The following CNTN5 variants were observed in gnomAD, a reference collection of about 807,000 sequenced individuals.
CNTN5 encodes the protein contactin 5, also known as contactin-5.
Under a neutral mutation model 129.1 loss-of-function variants are expected in CNTN5, and 77 were observed. That is an observed-to-expected ratio of 0.60 (90% CI 0.50 to 0.72). The LOEUF (loss-of-function observed/expected upper bound fraction) is 0.72. Among genes scored for constraint, CNTN5 ranks in the 30% least tolerant of loss-of-function variants. The probability of loss-of-function intolerance (pLI) is 0.00; values close to 1 mark genes in which losing one functional copy is unlikely to be tolerated. For missense variants in CNTN5, 1,478 were observed against 1,328.8 expected, an observed-to-expected ratio of 1.11 and a Z score of -1.75; for synonymous variants, 509 against 465.6, an observed-to-expected ratio of 1.09 and a Z score of -1.20.
At chr11:99,861,457 A>G (rs1395863652) in intron 6 of CNTN5, among the ~76,000 whole-genome samples, 1 of 152,216 alleles carries the variant, frequency 6.6e-6, no homozygotes, top group Non-Finnish European at 1.5e-5. Context: ...AATGATACAA[A>G]GAGAAGATGC....
At chr11:99,981,105 C>CATATATATATATATATAT in intron 8 of CNTN5, among the ~76,000 whole-genome samples, 1 of 65,934 alleles carries the variant, frequency 1.5e-5, no homozygotes, top group Non-Finnish European at 2.9e-5. Flanking sequence ...TATATATATA[C>CATATATATATATATATAT]ACACACACAC....
intron 3 of CNTN5, among the ~76,000 whole-genome samples, chr11:99,670,903 G>C (rs997874935): frequency 3.3e-5 from 5 of 152,116 alleles, no homozygotes; most frequent in African/African-American, 7.2e-5. Flanking sequence ...TGTAAAGTGG[G>C]TAGAATCCTG....
chr11:100,336,799 C>T (rs1215090519), intron 21 of CNTN5: 3 of 360,638 alleles, frequency 8.3e-6, no homozygotes, highest in Non-Finnish European at 1.6e-5. Context: ...CTGAGGTGTT[C>T]TGCGACTTCC....
At chr11:100,308,712 T>G in intron 21 of CNTN5, 1 of 1,094,884 alleles carries the variant, frequency 9.1e-7, no homozygotes, top group African/African-American at 1.6e-5. Context: ...GAAATAGAGT[T>G]TTAGACAAAA....
At chr11:99,373,710 TCAA>T (rs1162160834) in intron 2 of CNTN5, among the ~76,000 whole-genome samples, 7 of 51,776 alleles carry the variant, frequency 1.4e-4, no homozygotes, top group African/African-American at 1.4e-4. Flanking sequence ...AAACTCCGTC[TCAA>T]AAAAAAAAAA....
chr11:99,273,334 A>G (rs1863265014), intron 1 of CNTN5, among the ~76,000 whole-genome samples: 1 of 151,834 alleles, frequency 6.6e-6, no homozygotes, highest in African/African-American at 2.4e-5. Flanking sequence ...ACTATTCTCA[A>G]CACAAAATGT....
chr11:99,782,872 A>C (rs1459002150), intron 3 of CNTN5, among the ~76,000 whole-genome samples: 1 of 151,652 alleles, frequency 6.6e-6, no homozygotes, highest in African/African-American at 2.4e-5. Flanking sequence ...AACCACAAAA[A>C]CCCTAGAAGA....
chr11:99,487,647 C>T (rs1945869014), intron 2 of CNTN5, among the ~76,000 whole-genome samples: 1 of 152,182 alleles, frequency 6.6e-6, no homozygotes. Context: ...TTCCTTCTAG[C>T]AGACATCACT....
intron 16 of CNTN5, among the ~76,000 whole-genome samples, chr11:100,225,852 T>A (rs1166951411): frequency 6.6e-6 from 1 of 152,080 alleles, no homozygotes; most frequent in Non-Finnish European, 1.5e-5. Context: ...ATTTAAATAT[T>A]AAAAATCTTG....
intron 7 of CNTN5, among the ~76,000 whole-genome samples, chr11:99,924,045 G>A (rs111393334): frequency 1.1e-4 from 17 of 152,096 alleles, no homozygotes; most frequent in Admixed American, 3.3e-4. Context: ...CGGCTTCTGC[G>A]TCCCAAAGTG....
intron 2 of CNTN5, among the ~76,000 whole-genome samples, chr11:99,507,212 A>G (rs1233534622): frequency 6.6e-6 from 1 of 151,788 alleles, no homozygotes; most frequent in African/African-American, 2.4e-5. Context: ...TCTCTTCTAC[A>G]CTAAAAATAC....
In CNTN5 at chr11:100,221,465, C is replaced by T. The variant is rs368443964; in HGVS notation, c.1885-3227C>T. 2.5e-4 allele frequency among the ~76,000 whole-genome samples: 38 copies of T among 152,242 alleles called. No individual in the cohort carries two copies. In the South Asian group the frequency reaches 2.7e-3, roughly 11 times the overall value. ...ATGAGCAGGATACTTAGTCAAAATG[C>T]GAGCTAAGAAAGAATTCGACTTGGG... is the stretch of plus-strand genomic sequence containing the variant. On this transcript the variant is annotated intron_variant, in intron 15 of 24. Coordinates refer to ENST00000524871, the MANE Select transcript of CNTN5 (RefSeq NM_014361.4).
At chr11:100,174,780 C>T (rs1947914294) in intron 13 of CNTN5, among the ~76,000 whole-genome samples, 1 of 152,104 alleles carries the variant, frequency 6.6e-6, no homozygotes, top group Admixed American at 6.6e-5. Context: ...GCACACAAGT[C>T]TCTGCAGTTT....
intron 1 of CNTN5, among the ~76,000 whole-genome samples, chr11:99,297,876 A>T (rs1329348069): frequency 6.6e-6 from 1 of 152,184 alleles, no homozygotes; most frequent in Non-Finnish European, 1.5e-5. Flanking sequence ...TCCCAGTCAG[A>T]TGTAAGAGGT....
chr11:99,598,282 T>C (rs1565335366), intron 3 of CNTN5, among the ~76,000 whole-genome samples: 5 of 3,808 alleles, frequency 1.3e-3, no homozygotes, highest in African/African-American at 2.9e-3. Flanking sequence ...TTCTTTTCTT[T>C]TCTTTTCTTT....
intron 13 of CNTN5, among the ~76,000 whole-genome samples, chr11:100,099,730 C>T (rs1012325157): frequency 2.0e-5 from 3 of 151,780 alleles, no homozygotes; most frequent in African/African-American, 7.3e-5. Context: ...TGATGTAGGC[C>T]CCAGTTGAAG....
intron 4 of CNTN5, 106 bp downstream of exon 4, chr11:99,819,871 T>A (rs144362224): frequency 1.8e-5 from 14 of 761,030 alleles, no homozygotes; most frequent in African/African-American, 1.7e-4. Context: ...GAGAGAGTGA[T>A]TGAACTCAAC....
intron 7 of CNTN5, among the ~76,000 whole-genome samples, chr11:99,929,836 G>A (rs966774180): frequency 6.6e-6 from 1 of 152,166 alleles, no homozygotes; most frequent in Non-Finnish European, 1.5e-5. Context: ...TCTGAACAGG[G>A]TCCTTGGTCC....
intron 1 of CNTN5, among the ~76,000 whole-genome samples, chr11:99,117,519 G>A (rs1056841111): frequency 6.6e-6 from 1 of 151,942 alleles, no homozygotes; most frequent in African/African-American, 2.4e-5. Context: ...TTTGTCCATG[G>A]TGTTACATAA....
Sources: gnomAD v4.1 joint callset for allele counts (sites outside exome capture counted in the v4.1 genomes callset) on GRCh38, gnomAD v4.1.1 for gene constraint, MANE v1.5 for transcripts, NCBI Gene and HGNC (gene_info 2026-07-23, HGNC 2026-07-21) for gene names.